Variants in NBEA observed in about 807,000 individuals in gnomAD.
NBEA encodes the protein neurobeachin.
Under a neutral mutation model 343.4 loss-of-function variants are expected in NBEA, and 44 were observed. The ratio of observed to expected loss-of-function variants is 0.13; its 90% CI spans 0.10 to 0.16. The LOEUF (loss-of-function observed/expected upper bound fraction) is 0.16, where lower values mean the gene tolerates loss of function less well. NBEA is among the 10% of genes least tolerant of loss of function. The pLI is 1.00. For synonymous variants in NBEA, 1,175 were observed against 1,238.7 expected (o/e 0.95, Z 1.08); for missense variants, 2,555 against 3,631.3 (o/e 0.70, Z 7.62).
chr13:35,452,039 A>C, intron 39 of NBEA, 53 bp from the exon 40 acceptor site: 1 of 1,318,848 alleles, frequency 7.6e-7, no homozygotes, highest in Non-Finnish European at 1.1e-6. Flanking sequence ...AATACCTACT[A>C]TAAGCAGAAA....
At chr13:35,555,197 C>A in intron 44 of NBEA, 95 bp downstream of exon 44, 1 of 597,990 alleles carries the variant, frequency 1.7e-6, no homozygotes, top group South Asian at 3.4e-5. Flanking sequence ...CTTTGGAATT[C>A]AAATGCATCA....
At chr13:35,567,647 G>A (rs2080197466) in intron 45 of NBEA, among the ~76,000 whole-genome samples, 1 of 152,212 alleles carries the variant, frequency 6.6e-6, no homozygotes, top group African/African-American at 2.4e-5. Flanking sequence ...TTACGCCAGA[G>A]GCCTGCCTTA....
rs1157666230 is a variant in NBEA, at chr13:35,558,303, G to C, written c.6922+3201G>C. On this transcript the variant is annotated intron_variant, in intron 44 of 58. Coordinates refer to ENST00000379939, the MANE Select transcript of NBEA (RefSeq NM_001385012.1). The stretch of plus-strand genomic sequence containing the variant: ...GTACAATTTTATAATGTATAAAAAA[G>C]TATTATAATGGGAGTATATGTGAAG... 2.6e-5 allele frequency among the ~76,000 whole-genome samples: 4 copies of C among 152,120 alleles called. No individual in the cohort carries two copies. The East Asian group carries it at 7.7e-4, about 29-fold the overall frequency.
At chr13:35,169,560 C>T (rs1269354475) in intron 25 of NBEA, among the ~76,000 whole-genome samples, 1 of 151,468 alleles carries the variant, frequency 6.6e-6, no homozygotes, top group Non-Finnish European at 1.5e-5. Flanking sequence ...CAGGTCAAAA[C>T]ACTCAAAACC....
At chr13:34,999,720 TAAC>T (rs1395452395) in intron 1 of NBEA, among the ~76,000 whole-genome samples, 3 of 152,154 alleles carry the variant, frequency 2.0e-5, no homozygotes, top group Admixed American at 6.6e-5. Context: ...TATCTCCCTT[TAAC>T]AACAACAACC....
At chr13:35,442,256 AG>A (rs1323626601) in intron 39 of NBEA, among the ~76,000 whole-genome samples, 1 of 152,186 alleles carries the variant, frequency 6.6e-6, no homozygotes, top group Non-Finnish European at 1.5e-5. Context: ...AAAGATGAAT[AG>A]TGCATCATCT....
At chr13:35,002,877 G>T (rs936881521) in intron 1 of NBEA, among the ~76,000 whole-genome samples, 4 of 152,148 alleles carry the variant, frequency 2.6e-5, no homozygotes, top group Admixed American at 6.5e-5. Flanking sequence ...TAGTCAGTTG[G>T]CGAGAGGTCA....
rs974093169 is a variant in NBEA at position 35,393,076 on chromosome 13, A to G, written c.6180-39193A>G. Among the ~76,000 whole-genome samples, 4 of 152,130 alleles carry G rather than the reference A, an allele frequency of 2.6e-5. No homozygotes were observed. The East Asian group carries it at 7.7e-4, about 29-fold the overall frequency. On this transcript the variant is annotated intron_variant, in intron 38 of 58. Coordinates refer to ENST00000379939, the MANE Select transcript of NBEA (RefSeq NM_001385012.1). ...GAAGCTGTTTTTTTACAACCTCTCT[A>G]GACTAACCCTACCAATATGACTGGT...
At chr13:35,178,142 A>G (rs2071044621) in intron 28 of NBEA, among the ~76,000 whole-genome samples, 1 of 151,686 alleles carries the variant, frequency 6.6e-6, no homozygotes, top group Non-Finnish European at 1.5e-5. Flanking sequence ...AATAAACTAA[A>G]AATTTTAAAA....
chr13:34,995,686 A>C (rs970746429), intron 1 of NBEA, among the ~76,000 whole-genome samples: 1 of 152,182 alleles, frequency 6.6e-6, no homozygotes, highest in African/African-American at 2.4e-5. Flanking sequence ...TCAACAGTTG[A>C]CTGAAGCTCA....
chr13:35,115,152 T>C (rs942770241), intron 13 of NBEA, among the ~76,000 whole-genome samples: 4 of 152,116 alleles, frequency 2.6e-5, no homozygotes, highest in African/African-American at 7.2e-5. Context: ...AATAAAATGT[T>C]ACTACTCTCC....
intron 1 of NBEA, among the ~76,000 whole-genome samples, chr13:35,037,942 C>T (rs2062509439): frequency 1.3e-5 from 2 of 152,124 alleles, no homozygotes; most frequent in Admixed American, 1.3e-4. Context: ...TGGCAAAGTC[C>T]CCCTGGCCAC....
chr13:35,054,990 A>G (rs2063200740), intron 6 of NBEA, among the ~76,000 whole-genome samples: 1 of 152,114 alleles, frequency 6.6e-6, no homozygotes, highest in Non-Finnish European at 1.5e-5. Flanking sequence ...ATTTTGCTCA[A>G]AGTATTTTAG....
chr13:34,947,193 A>G (rs1050293595), intron 1 of NBEA, among the ~76,000 whole-genome samples: 4 of 152,116 alleles, frequency 2.6e-5, no homozygotes, highest in Admixed American at 2.6e-4. Context: ...CGAGGTTTCA[A>G]TATCTTAAGG....
intron 38 of NBEA, among the ~76,000 whole-genome samples, chr13:35,383,496 C>T (rs1443726555): frequency 2.6e-5 from 4 of 152,088 alleles, no homozygotes; most frequent in African/African-American, 9.7e-5. Flanking sequence ...GGAAATAATG[C>T]TTTTAAGTGA....
At chr13:35,660,894 A>G (rs2085060414) in intron 55 of NBEA, among the ~76,000 whole-genome samples, 1 of 152,196 alleles carries the variant, frequency 6.6e-6, no homozygotes, top group South Asian at 2.1e-4. Context: ...GATCAGAGGA[A>G]GTGTAGCTCC....
At chr13:35,204,360 C>A (rs1404047081) in intron 31 of NBEA, among the ~76,000 whole-genome samples, 1 of 152,064 alleles carries the variant, frequency 6.6e-6, no homozygotes, top group Non-Finnish European at 1.5e-5. Context: ...GCTGGGGAGG[C>A]CTCAGAATCA....
At chr13:35,369,978 G>A (rs969520607) in intron 38 of NBEA, among the ~76,000 whole-genome samples, 2 of 151,904 alleles carry the variant, frequency 1.3e-5, no homozygotes, top group Non-Finnish European at 2.9e-5. Flanking sequence ...TCCATGTACT[G>A]ATCAAGAAGA....
chr13:35,616,127 G>A lies in NBEA; in HGVS notation c.7449+9549G>A, dbSNP rs114027897. On this transcript the variant is annotated intron_variant, in intron 48 of 58. Transcript: ENST00000379939. ...GAATGAGGAGTCTGAGGCCTAGGAA[G>A]GCAAAGTGGTTCATGGAAACTCTGA... Among the ~76,000 whole-genome samples, 557 of 152,286 alleles carry A rather than the reference G, an allele frequency of 3.7e-3. 1 individual carries two copies. Among genetic ancestry groups the A allele is most frequent in the African/African-American group, 0.013 (529 of 41,574 alleles).
Sources: gnomAD v4.1 joint callset for allele counts (sites outside exome capture counted in the v4.1 genomes callset) on GRCh38, gnomAD v4.1.1 for gene constraint, MANE v1.5 for transcripts, NCBI Gene and HGNC (gene_info 2026-07-23, HGNC 2026-07-21) for gene names.